Variants in GPC3 observed in about 807,000 individuals in gnomAD.
The protein encoded by GPC3 is glypican-3.
In GPC3, 3 loss-of-function variants were observed where a neutral mutation model predicts 34.4. The observed-to-expected ratio is 0.09, with a 90% confidence interval of 0.04 to 0.23. GPC3 has a LOEUF of 0.23. Ranked by LOEUF, GPC3 falls within the 10% of genes least tolerant of loss-of-function variation. The probability of loss-of-function intolerance (pLI) is 1.00; values close to 1 mark genes in which losing one functional copy is unlikely to be tolerated. For missense variants in GPC3, 351 were observed against 445.6 expected (o/e 0.79, Z 1.91); for synonymous variants, 177 against 174.0 (o/e 1.02, Z -0.13).
In GPC3 at chrX:133,576,074, C is replaced by T. The variant is rs768486486; in HGVS notation, c.1573+20366G>A. ...GCTATTCTGATTCTGAGCATCAACT[C>T]CATGGAAAAAGTCAGAGGCTATTTA... is the stretch of plus-strand genomic sequence containing the variant. On this transcript the variant is annotated intron_variant, in intron 7 of 7. Transcript: ENST00000370818. Among the ~76,000 whole-genome samples, 10 of 111,735 alleles carry T rather than the reference C, an allele frequency of 8.9e-5. No homozygotes were observed. The East Asian group carries it at 2.8e-3, about 32-fold the overall frequency.
intron 2 of GPC3, among the ~76,000 whole-genome samples, chrX:133,923,979 A>T (rs1027041581): frequency 9.0e-6 from 1 of 111,703 alleles, no homozygotes; most frequent in Non-Finnish European, 1.9e-5. Context: ...ATCGCCCAGG[A>T]ACATTGTTTT....
intron 6 of GPC3, among the ~76,000 whole-genome samples, chrX:133,600,262 G>A (rs1185237525): frequency 2.7e-5 from 3 of 111,747 alleles, no homozygotes; most frequent in African/African-American, 9.8e-5. Flanking sequence ...TGAAAAAGGA[G>A]AAAGTCAAGG....
chrX:133,863,816 C>T (rs898835755), intron 2 of GPC3, among the ~76,000 whole-genome samples: 42 of 102,298 alleles, frequency 4.1e-4, no homozygotes, highest in Admixed American at 2.8e-3. Context: ...CCACCGCGCC[C>T]GGCTAATTTT....
intron 2 of GPC3, among the ~76,000 whole-genome samples, chrX:133,946,386 G>C (rs1271549005): frequency 8.9e-6 from 1 of 111,816 alleles, no homozygotes; most frequent in Non-Finnish European, 1.9e-5. Flanking sequence ...GATAAAATGA[G>C]GCTAATGAAA....
intron 2 of GPC3, among the ~76,000 whole-genome samples, chrX:133,797,280 A>G (rs937218132): frequency 1.8e-5 from 2 of 110,937 alleles, no homozygotes; most frequent in Non-Finnish European, 3.8e-5. Flanking sequence ...AAGAGCAAAG[A>G]CCTTATTTTA....
intron 5 of GPC3, among the ~76,000 whole-genome samples, chrX:133,681,741 C>G (rs2070946325): frequency 8.9e-6 from 1 of 112,052 alleles, no homozygotes; most frequent in Non-Finnish European, 1.9e-5. Flanking sequence ...ATACCTTTCC[C>G]TGTGCTTCAC....
At position 133,818,671 on chromosome X, in the gene GPC3, C is replaced by G. The variant is rs776361637; in HGVS notation, c.338-64495G>C. On this transcript the variant is annotated intron_variant, in intron 2 of 7. Coordinates refer to ENST00000370818, the MANE Select transcript of GPC3 (RefSeq NM_004484.4). Reference sequence around the variant, plus strand: ...ATATGTGTTATAATAAGCTAAAAAGCAAATTACCCAGTTTAACAAGCCCAA... The same window carrying G: ...ATATGTGTTATAATAAGCTAAAAAGGAAATTACCCAGTTTAACAAGCCCAA... 1.6e-4 allele frequency among the ~76,000 whole-genome samples: 18 copies of G among 111,652 alleles called. No homozygotes were observed. The South Asian group carries it at 6.8e-3, about 42-fold the overall frequency.
intron 2 of GPC3, among the ~76,000 whole-genome samples, chrX:133,949,318 C>T (rs915366302): frequency 2.7e-5 from 3 of 112,099 alleles, no homozygotes; most frequent in Non-Finnish European, 3.8e-5. Context: ...TAACGTAATA[C>T]AGGAGCCACT....
At chrX:133,762,337 C>T (rs996644245) in intron 2 of GPC3, among the ~76,000 whole-genome samples, 2 of 111,920 alleles carry the variant, frequency 1.8e-5, no homozygotes, top group Non-Finnish European at 3.8e-5. Flanking sequence ...CCTCAAAAGC[C>T]ATTGCAGCAA....
intron 2 of GPC3, among the ~76,000 whole-genome samples, chrX:133,895,542 G>C (rs2076107645): frequency 9.0e-6 from 1 of 111,273 alleles, no homozygotes; most frequent in African/African-American, 3.3e-5. Context: ...GTTATTTAGT[G>C]GGCTGGTAGC....
chrX:133,686,400 A>C (rs915750964), intron 5 of GPC3, among the ~76,000 whole-genome samples: 5 of 112,167 alleles, frequency 4.5e-5, no homozygotes, highest in Non-Finnish European at 9.4e-5. Context: ...ATAAAAACTG[A>C]TGAATGGATA....
At chrX:133,566,408 T>C (rs1183183127) in intron 7 of GPC3, among the ~76,000 whole-genome samples, 1 of 111,960 alleles carries the variant, frequency 8.9e-6, no homozygotes, top group African/African-American at 3.2e-5. Context: ...TTGACCTATA[T>C]TGCAGGCACT....
intron 2 of GPC3, among the ~76,000 whole-genome samples, chrX:133,925,212 A>C (rs1192608641): frequency 9.1e-6 from 1 of 109,726 alleles, no homozygotes; most frequent in Non-Finnish European, 1.9e-5. Context: ...GTTTTATAAG[A>C]ACAAGTCATG....
chrX:133,909,738 T>G (rs1390322182), intron 2 of GPC3, among the ~76,000 whole-genome samples: 2 of 111,691 alleles, frequency 1.8e-5, no homozygotes, highest in Non-Finnish European at 3.8e-5. Context: ...ATCGAAGTTT[T>G]ACGATTTTAA....
chrX:133,679,599 C>T (rs996131944), intron 5 of GPC3, among the ~76,000 whole-genome samples: 1 of 111,055 alleles, frequency 9.0e-6, no homozygotes, highest in African/African-American at 3.3e-5. Context: ...GCAGGCACAG[C>T]TAAGCAATGA....
In GPC3 at chrX:133,596,552, G is replaced by A. The variant is rs1464494006; in HGVS notation, c.1461C>T (p.Asn487=). The A allele has an allele frequency of 1.7e-6, 2 of 1,208,315 alleles. No individual in the cohort carries two copies. The highest frequency in any genetic ancestry group is 3.5e-5 in the African/African-American group (2 of 56,922). Residue 487 remains asparagine (N), a synonymous_variant, in exon 7 of 8, where the codon AAC becomes AAT. Transcript: ENST00000370818. ...CACTTTCAAACCCTTCCTCATCCAGGTTTTTATCCAGAACTCTACCTTTGG... is the reference window on the plus strand; with the variant it reads ...CACTTTCAAACCCTTCCTCATCCAGATTTTTATCCAGAACTCTACCTTTGG... ...SMPKGRVLDK[N]LDEEGFESGD... is the part of the protein sequence containing the mutation.
intron 2 of GPC3, among the ~76,000 whole-genome samples, chrX:133,809,134 A>T (rs769304737): frequency 2.2e-4 from 25 of 112,145 alleles, no homozygotes; most frequent in Non-Finnish European, 3.8e-4. Flanking sequence ...CATCAACTAT[A>T]CGAAGTGTGC....
chrX:133,804,434 C>T (rs1417199373), intron 2 of GPC3, among the ~76,000 whole-genome samples: 6 of 110,555 alleles, frequency 5.4e-5, no homozygotes, highest in African/African-American at 2.0e-4. Flanking sequence ...AGGGTATCAT[C>T]TCTGCTCTCT....
chrX:133,693,740 T>C (rs1025710945), intron 4 of GPC3, among the ~76,000 whole-genome samples: 1 of 111,888 alleles, frequency 8.9e-6, no homozygotes, highest in African/African-American at 3.3e-5. Context: ...CCTCTTGGAC[T>C]TAATCCGATT....
Sources: gnomAD v4.1 joint callset for allele counts (sites outside exome capture counted in the v4.1 genomes callset) on GRCh38, gnomAD v4.1.1 for gene constraint, MANE v1.5 for transcripts, NCBI Gene and HGNC (gene_info 2026-07-23, HGNC 2026-07-21) for gene names.